Variants in CAMK4 observed in about 807,000 individuals in gnomAD.
The protein encoded by CAMK4 is calcium/calmodulin-dependent protein kinase type IV.
A neutral mutation model predicts 44.9 loss-of-function variants in CAMK4; 22 were observed. The ratio of observed to expected loss-of-function variants is 0.49; its 90% CI spans 0.35 to 0.70. CAMK4 has a LOEUF of 0.70. Among genes scored for constraint, CAMK4 ranks in the 30% least tolerant of loss-of-function variants. CAMK4 has a pLI of 0.01. For synonymous variants in CAMK4, 218 were observed against 215.4 expected, an observed-to-expected ratio of 1.01 and a Z score of -0.11; for missense variants, 498 against 586.8, an observed-to-expected ratio of 0.85 and a Z score of 1.56.
chr5:111,313,321 T>C (rs1387048224), intron 1 of CAMK4, among the ~76,000 whole-genome samples: 2 of 152,198 alleles, frequency 1.3e-5, no homozygotes, highest in Middle Eastern at 6.3e-3. Flanking sequence ...TGTGGGAGTC[T>C]CTTCAGTTAA....
intron 1 of CAMK4, among the ~76,000 whole-genome samples, chr5:111,314,070 G>A (rs781763713): frequency 6.6e-6 from 1 of 152,056 alleles, no homozygotes; most frequent in Non-Finnish European, 1.5e-5. Context: ...CTCCCCAAAA[G>A]TGTAATAGGA....
rs375217108 is a variant in CAMK4, at chr5:111,406,472, C to G, written c.459+11690C>G. Among the ~76,000 whole-genome samples the G allele has an allele frequency of 1.6e-4, 25 of 152,250 alleles. No homozygotes were observed. In the East Asian group the frequency reaches 4.4e-3, roughly 27 times the overall value. On this transcript the variant is annotated intron_variant, in intron 5 of 10. Coordinates refer to ENST00000282356, the MANE Select transcript of CAMK4 (RefSeq NM_001744.6). ...CTCTTGACCTCTGATGATCCACCTG[C>G]CTCGGCCTCCCAAAGTGCTGGGATT...
chr5:111,397,617 G>A (rs1169368643), intron 5 of CAMK4, among the ~76,000 whole-genome samples: 1 of 147,808 alleles, frequency 6.8e-6, no homozygotes, highest in East Asian at 2.0e-4. Flanking sequence ...TGTTTGTATG[G>A]TTATAACAGG....
At position 111,322,654 on chromosome 5, in the gene CAMK4, G is replaced by A. The variant is rs139611912; in HGVS notation, c.162-21370G>A. ...AAATTGTGACCTAGAATCAGGGTGG[G>A]GTGGGTGTAGGGAGAGTCAATAAAA... On this transcript the variant is annotated intron_variant, in intron 1 of 10. Coordinates refer to ENST00000282356, the MANE Select transcript of CAMK4 (RefSeq NM_001744.6). Among the ~76,000 whole-genome samples, 847 of 152,044 alleles carry A rather than the reference G, an allele frequency of 5.6e-3. 5 individuals are homozygous for A. Among genetic ancestry groups the A allele is most frequent in the Non-Finnish European group, 7.9e-3 (535 of 67,980 alleles).
chr5:111,432,049 C>A (rs977390590), intron 5 of CAMK4, among the ~76,000 whole-genome samples: 8 of 152,166 alleles, frequency 5.3e-5, no homozygotes, highest in Non-Finnish European at 8.8e-5. Flanking sequence ...GAGATATCTG[C>A]ACTCCCATGT....
rs908334423 is a variant in CAMK4, at chr5:111,488,525, T to C, written c.*4059T>C. ...AATTCAGAATGTTTAGCAATCCCTA[T>C]GTCCTGTTTCACATGCATGGTAACT... is the stretch of plus-strand genomic sequence containing the variant. On this transcript the variant is annotated 3_prime_UTR_variant, in exon 11 of 11. Coordinates refer to ENST00000282356, the MANE Select transcript of CAMK4 (RefSeq NM_001744.6). 2 of 152,244 alleles carry C rather than the reference T, an allele frequency of 1.3e-5. No homozygotes were observed. The highest frequency in any genetic ancestry group is 4.8e-5 in the African/African-American group (2 of 41,464). 9.4% of individuals were successfully genotyped at this position (152,244 alleles called of 1,614,324 possible).
intron 5 of CAMK4, among the ~76,000 whole-genome samples, chr5:111,425,368 T>A (rs1284460430): frequency 2.6e-5 from 4 of 152,236 alleles, no homozygotes; most frequent in Non-Finnish European, 5.9e-5. Context: ...TGGTCTCACC[T>A]GGCACAGGTG....
intron 5 of CAMK4, chr5:111,416,561 A>G (rs1372640846): frequency 6.6e-6 from 1 of 152,058 alleles, no homozygotes; most frequent in Non-Finnish European, 1.5e-5. Context: ...ATACCATCAG[A>G]CTCCCTGGAT....
At position 111,446,764 on chromosome 5, in the gene CAMK4, C is replaced by G. The variant is rs775042537; in HGVS notation, c.538C>G (p.Pro180Ala). Residue 180 changes from proline to alanine, a missense_variant, in exon 6 of 11, where the codon CCA becomes GCA. Coordinates refer to ENST00000282356, the MANE Select transcript of CAMK4 (RefSeq NM_001744.6). ...TTATGCAACTCCAGCCCCAGATGCACCACTCAAAATCGGTGAGAACATTTC... is the reference window on the plus strand; with the variant it reads ...TTATGCAACTCCAGCCCCAGATGCAGCACTCAAAATCGGTGAGAACATTTC... ...LLYATPAPDA[P>A]LKIADFGLSK... 4 of 1,601,160 alleles carry G rather than the reference C, an allele frequency of 2.5e-6. No individual in the cohort carries two copies. The highest frequency in any genetic ancestry group is 3.4e-6 in the Non-Finnish European group (4 of 1,168,440).
rs935391534 is a variant in CAMK4 at position 111,488,836 on chromosome 5, A to G, written c.*4370A>G. On this transcript the variant is annotated 3_prime_UTR_variant, in exon 11 of 11. Coordinates refer to ENST00000282356, the MANE Select transcript of CAMK4 (RefSeq NM_001744.6). ...ATATACATAGCAGAGTCAATTAATC[A>G]TAGTGCCATTATGTCACTTATTTGT... The G allele has an allele frequency of 2.0e-5, 3 of 152,274 alleles. No individual in the cohort carries two copies. Among genetic ancestry groups the G allele is most frequent in the Non-Finnish European group, 2.9e-5 (2 of 68,044 alleles). 9.4% of individuals were successfully genotyped at this position (152,274 alleles called of 1,614,324 possible).
At chr5:111,243,406 T>C (rs1186558647) in intron 1 of CAMK4, among the ~76,000 whole-genome samples, 1 of 152,196 alleles carries the variant, frequency 6.6e-6, no homozygotes, top group Non-Finnish European at 1.5e-5. Flanking sequence ...TATTGCCAGA[T>C]TGACTTAGCA....
intron 2 of CAMK4, chr5:111,358,266 C>G (rs1750449305): frequency 6.6e-6 from 1 of 152,080 alleles, no homozygotes; most frequent in African/African-American, 2.4e-5. Flanking sequence ...GAAGGAAAAA[C>G]AACTGGGAAC....
intron 1 of CAMK4, among the ~76,000 whole-genome samples, chr5:111,257,249 C>T (rs549508327): frequency 2.9e-4 from 44 of 152,222 alleles, no homozygotes; most frequent in African/African-American, 1.0e-3. Flanking sequence ...TACCATCTAT[C>T]CACCTGACAA....
chr5:111,365,858 A>G (rs1750773855), intron 2 of CAMK4, among the ~76,000 whole-genome samples: 1 of 152,110 alleles, frequency 6.6e-6, no homozygotes, highest in Non-Finnish European at 1.5e-5. Context: ...TCATGTAGGA[A>G]AACCTCGATA....
At chr5:111,320,154 T>C (rs539774291) in intron 1 of CAMK4, among the ~76,000 whole-genome samples, 2 of 152,274 alleles carry the variant, frequency 1.3e-5, no homozygotes, top group Non-Finnish European at 2.9e-5. Context: ...GTGAATCTGA[T>C]ACTGCTAGGG....
At chr5:111,286,020 G>T (rs552754728) in intron 1 of CAMK4, among the ~76,000 whole-genome samples, 63 of 152,288 alleles carry the variant, frequency 4.1e-4, no homozygotes, top group African/African-American at 1.3e-3. Context: ...AGCCAGAGTC[G>T]ATCAGAGGCT....
At chr5:111,361,354 G>T (rs1410749495) in intron 2 of CAMK4, among the ~76,000 whole-genome samples, 1 of 151,898 alleles carries the variant, frequency 6.6e-6, no homozygotes, top group African/African-American at 2.4e-5. Context: ...ATATAATATT[G>T]TGCCCCTTTA....
intron 4 of CAMK4, among the ~76,000 whole-genome samples, 177 bp from the exon 5 acceptor site, chr5:111,394,533 A>C (rs1220219938): frequency 1.3e-5 from 2 of 152,228 alleles, no homozygotes; most frequent in Admixed American, 6.5e-5. Flanking sequence ...TCATTTTCCT[A>C]AGTAAACTCA....
chr5:111,366,440 G>T (rs1323790841), intron 2 of CAMK4, among the ~76,000 whole-genome samples: 1 of 152,040 alleles, frequency 6.6e-6, no homozygotes, highest in African/African-American at 2.4e-5. Context: ...AGATAGCCAG[G>T]TTGTTCAAAT....
Sources: gnomAD v4.1 joint callset for allele counts (sites outside exome capture counted in the v4.1 genomes callset) on GRCh38, gnomAD v4.1.1 for gene constraint, MANE v1.5 for transcripts, NCBI Gene and HGNC (gene_info 2026-07-23, HGNC 2026-07-21) for gene names.